Variants in ABAT observed in about 807,000 individuals in gnomAD.
The protein encoded by ABAT is 4-aminobutyrate aminotransferase.
A neutral mutation model predicts 64.6 loss-of-function variants in ABAT; 45 were observed. The observed-to-expected ratio is 0.70, with a 90% CI of 0.55 to 0.89. The LOEUF is 0.89. Ranked by LOEUF, ABAT falls within the 40% of genes least tolerant of loss-of-function variation. ABAT has a pLI of 0.00. For missense variants in ABAT, 633 were observed against 658.4 expected (o/e 0.96, Z 0.42); for synonymous variants, 297 against 250.5 (o/e 1.19, Z -1.75).
At chr16:8,718,616 G>C (rs1008621640) in intron 1 of ABAT, among the ~76,000 whole-genome samples, 1 of 152,166 alleles carries the variant, frequency 6.6e-6, no homozygotes. Context: ...ATGCTTCCCA[G>C]AGCTGGTCTC....
At chr16:8,717,989 G>A (rs1168768617) in intron 1 of ABAT, among the ~76,000 whole-genome samples, 2 of 152,044 alleles carry the variant, frequency 1.3e-5, no homozygotes, top group Non-Finnish European at 2.9e-5. Flanking sequence ...TTATTTCTCT[G>A]TGCAAGGAAA....
At chr16:8,677,970 G>C (rs1320258311) in intron 1 of ABAT, among the ~76,000 whole-genome samples, 2 of 151,966 alleles carry the variant, frequency 1.3e-5, no homozygotes, top group Non-Finnish European at 2.9e-5. Context: ...GAGGTGGGGG[G>C]ATTGCTTGAG....
chr16:8,678,579 T>C (rs969044008), intron 1 of ABAT, among the ~76,000 whole-genome samples: 2 of 152,220 alleles, frequency 1.3e-5, no homozygotes, highest in Admixed American at 1.3e-4. Flanking sequence ...CTGGGCCTTC[T>C]TCAGATTAGT....
intron 3 of ABAT, among the ~76,000 whole-genome samples, chr16:8,746,801 G>A (rs2059345525): frequency 6.6e-6 from 1 of 152,108 alleles, no homozygotes; most frequent in African/African-American, 2.4e-5. Context: ...ATAACAAACA[G>A]CCACAAAAAT....
intron 1 of ABAT, among the ~76,000 whole-genome samples, chr16:8,707,787 C>T (rs1365518512): frequency 6.6e-6 from 1 of 152,066 alleles, no homozygotes; most frequent in Non-Finnish European, 1.5e-5. Context: ...CCAGGCTGGT[C>T]TTGAACTCCT....
chr16:8,696,842 G>C (rs1483826805), intron 1 of ABAT, among the ~76,000 whole-genome samples: 1 of 152,170 alleles, frequency 6.6e-6, no homozygotes, highest in Non-Finnish European at 1.5e-5. Flanking sequence ...TTCCCCTGTG[G>C]AGGAAGCTCC....
At chr16:8,719,852 G>T (rs184101719) in intron 1 of ABAT, among the ~76,000 whole-genome samples, 1 of 152,112 alleles carries the variant, frequency 6.6e-6, no homozygotes, top group Non-Finnish European at 1.5e-5. Context: ...CACTCTTGTC[G>T]CCAGGTTGGA....
chr16:8,755,302 G>A (rs1232535964), intron 5 of ABAT, among the ~76,000 whole-genome samples: 2 of 152,134 alleles, frequency 1.3e-5, no homozygotes, highest in East Asian at 3.9e-4. Context: ...CCTGTGGAGT[G>A]GCATCACCAT....
At chr16:8,735,618 G>T (rs1172467764) in intron 1 of ABAT, 81 bp from the exon 2 acceptor site, 1 of 1,106,408 alleles carries the variant, frequency 9.0e-7, no homozygotes, top group Non-Finnish European at 1.3e-6. Flanking sequence ...TCTATTAGGT[G>T]GGAAGTGGTG....
At chr16:8,708,591 G>A (rs1051904141) in intron 1 of ABAT, among the ~76,000 whole-genome samples, 1 of 152,126 alleles carries the variant, frequency 6.6e-6, no homozygotes, top group South Asian at 2.1e-4. Context: ...GTGAGCCAGC[G>A]CACCTGGCCA....
intron 1 of ABAT, among the ~76,000 whole-genome samples, chr16:8,726,405 C>T (rs927515192): frequency 2.0e-5 from 3 of 151,884 alleles, no homozygotes; most frequent in African/African-American, 4.8e-5. Flanking sequence ...GGACTACAGG[C>T]ATGGGTCACC....
At chr16:8,718,308 A>G (rs954421993) in intron 1 of ABAT, among the ~76,000 whole-genome samples, 7 of 152,214 alleles carry the variant, frequency 4.6e-5, no homozygotes, top group Non-Finnish European at 7.3e-5. Context: ...CTCTTTATGA[A>G]TAAAGTACAG....
intron 5 of ABAT, among the ~76,000 whole-genome samples, chr16:8,751,858 C>T (rs963216900): frequency 9.2e-5 from 14 of 152,220 alleles, no homozygotes; most frequent in African/African-American, 3.1e-4. Flanking sequence ...TAAAAGGGCA[C>T]ACAGACAGGA....
In ABAT at chr16:8,782,913, G is replaced by A. The variant is rs139932869; in HGVS notation, c.*1483G>A. On this transcript the variant is annotated 3_prime_UTR_variant, in exon 16 of 16. Transcript: ENST00000268251. Reference sequence around the variant, plus strand: ...CACTTTGCTCTTTTAATAACAAATCGTCCAAAGATCTCAAAGTAAGGGTTT... The same window carrying A: ...CACTTTGCTCTTTTAATAACAAATCATCCAAAGATCTCAAAGTAAGGGTTT... The A allele has an allele frequency of 3.3e-5, 5 of 151,896 alleles. No homozygotes were observed. Among genetic ancestry groups the A allele is most frequent in the Non-Finnish European group, 7.4e-5 (5 of 67,978 alleles). 9.4% of individuals were successfully genotyped at this position (151,896 alleles called of 1,614,324 possible).
intron 14 of ABAT, among the ~76,000 whole-genome samples, chr16:8,777,269 C>T (rs564363755): frequency 6.6e-6 from 1 of 151,990 alleles, no homozygotes; most frequent in Non-Finnish European, 1.5e-5. Context: ...CTCCCTCTCT[C>T]ACCCCCTCTA....
intron 1 of ABAT, among the ~76,000 whole-genome samples, chr16:8,680,172 C>T (rs1038113864): frequency 5.9e-5 from 9 of 152,246 alleles, no homozygotes; most frequent in African/African-American, 2.2e-4. Context: ...CTGCCACATC[C>T]TATTCTTCCT....
chr16:8,704,401 C>T (rs921936389), intron 1 of ABAT, among the ~76,000 whole-genome samples: 1 of 152,228 alleles, frequency 6.6e-6, no homozygotes, highest in Non-Finnish European at 1.5e-5. Flanking sequence ...CTCTCATGCC[C>T]TGGTGAAGTA....
intron 1 of ABAT, among the ~76,000 whole-genome samples, chr16:8,691,742 C>T (rs1331349365): frequency 1.3e-5 from 2 of 152,120 alleles, no homozygotes; most frequent in Admixed American, 1.3e-4. Flanking sequence ...CGCCCAGTGC[C>T]AAGGGACTTT....
intron 8 of ABAT, among the ~76,000 whole-genome samples, chr16:8,765,364 C>A (rs2059914676): frequency 6.6e-6 from 1 of 150,764 alleles, no homozygotes; most frequent in African/African-American, 2.4e-5. Context: ...AGAAAATGCT[C>A]CTTAAATTCC....
Sources: allele counts gnomAD v4.1 joint callset (sites outside exome capture counted in the v4.1 genomes callset), GRCh38; gene constraint gnomAD v4.1.1; transcripts MANE v1.5; gene names NCBI Gene and HGNC (gene_info 2026-07-23, HGNC 2026-07-21).